Variants in NXPH1 observed in about 807,000 individuals in gnomAD.
The protein encoded by NXPH1 is neurexophilin-1.
In NXPH1, 5 loss-of-function variants were observed where a neutral mutation model predicts 23.7. That is an observed-to-expected ratio of 0.21 (90% confidence interval 0.11 to 0.44). The LOEUF is 0.44. NXPH1 is among the 20% of genes least tolerant of loss of function. The pLI, the probability that NXPH1 is intolerant of heterozygous loss-of-function variation, is 0.99. For synonymous variants in NXPH1, 144 were observed against 122.2 expected (o/e 1.18, Z -1.18); for missense variants, 324 against 321.6 (o/e 1.01, Z -0.06).
chr7:8,626,493 G>T (rs1028514262), intron 2 of NXPH1, among the ~76,000 whole-genome samples: 2 of 151,248 alleles, frequency 1.3e-5, no homozygotes, highest in Non-Finnish European at 2.9e-5. Context: ...TCACTGCCAT[G>T]AGGGACTCCT....
intron 2 of NXPH1, among the ~76,000 whole-genome samples, chr7:8,601,640 A>G (rs1819364350): frequency 6.6e-6 from 1 of 152,212 alleles, no homozygotes. Context: ...AAGTCCCATA[A>G]GAGGTACATC....
chr7:8,559,042 C>G (rs1346695190), intron 2 of NXPH1, among the ~76,000 whole-genome samples: 1 of 151,700 alleles, frequency 6.6e-6, no homozygotes, highest in Non-Finnish European at 1.5e-5. Context: ...TCATAGCTTA[C>G]TATAACCTTC....
rs775224997 is a variant in NXPH1, at chr7:8,620,336, G to T, written c.55-130672G>T. 3.3e-5 allele frequency among the ~76,000 whole-genome samples: 5 copies of T among 152,040 alleles called. 1 individual carries two copies. Among genetic ancestry groups the T allele is most frequent in the African/African-American group, 7.2e-5 (3 of 41,380 alleles). On this transcript the variant is annotated intron_variant, in intron 2 of 2. Coordinates refer to ENST00000405863, the MANE Select transcript of NXPH1 (RefSeq NM_152745.3). ...CTCCAAGGAACCTCCCCTTCCTACC[G>T]ACAGTTTGTGTGGTTCCAGGAAGCC...
chr7:8,509,560 C>G (rs2057864), intron 2 of NXPH1, among the ~76,000 whole-genome samples: 85,357 of 151,746 alleles, frequency 0.56, 24,175 homozygotes, highest in African/African-American at 0.62. Flanking sequence ...TCTGATTCTT[C>G]TGCTCCATTG....
chr7:8,656,525 T>C (rs13241389), intron 2 of NXPH1, among the ~76,000 whole-genome samples: 104,436 of 147,360 alleles, frequency 0.71, 37,903 homozygotes, highest in East Asian at 1. Flanking sequence ...TTTTTTTTTT[T>C]CAGAGGGTGG....
chr7:8,709,824 T>C (rs1779759313), intron 2 of NXPH1, among the ~76,000 whole-genome samples: 1 of 152,234 alleles, frequency 6.6e-6, no homozygotes, highest in African/African-American at 2.4e-5. Context: ...AAATTTGTAC[T>C]GTTAAAACAA....
At chr7:8,583,984 T>C (rs2128624187) in intron 2 of NXPH1, among the ~76,000 whole-genome samples, 1 of 152,324 alleles carries the variant, frequency 6.6e-6, no homozygotes, top group Admixed American at 6.5e-5. Context: ...AAATTTAACA[T>C]GGCTGAGCCT....
intron 2 of NXPH1, among the ~76,000 whole-genome samples, chr7:8,456,773 C>A (rs903038879): frequency 2.6e-5 from 4 of 152,106 alleles, no homozygotes; most frequent in African/African-American, 9.7e-5. Context: ...CTTTATGAGC[C>A]TTACAGTTTA....
rs139205584 is a variant in NXPH1, at chr7:8,678,316, T to G, written c.55-72692T>G. The stretch of plus-strand genomic sequence containing the variant: ...GGTGCTTGGTCTAATTGCCATTATA[T>G]AAATTCACATCTTTCCCTTGAGTAG... On this transcript the variant is annotated intron_variant, in intron 2 of 2. Coordinates refer to ENST00000405863, the MANE Select transcript of NXPH1 (RefSeq NM_152745.3). Among the ~76,000 whole-genome samples the G allele has an allele frequency of 7.4e-3, 1,135 of 152,350 alleles. 13 individuals carry two copies. The highest frequency in any genetic ancestry group is 0.039 in the South Asian group (189 of 4,832).
intron 2 of NXPH1, among the ~76,000 whole-genome samples, chr7:8,594,661 G>C (rs985493786): frequency 1.3e-5 from 2 of 151,926 alleles, no homozygotes; most frequent in Non-Finnish European, 2.9e-5. Flanking sequence ...AATGAGTTTT[G>C]TCTGGCCTCG....
chr7:8,687,991 C>G (rs1178341953), intron 2 of NXPH1, among the ~76,000 whole-genome samples: 1 of 152,070 alleles, frequency 6.6e-6, no homozygotes, highest in East Asian at 1.9e-4. Flanking sequence ...GTATGAGAAT[C>G]TTAGTCAAAC....
At chr7:8,453,721 C>A (rs1336107601) in intron 2 of NXPH1, among the ~76,000 whole-genome samples, 1 of 152,082 alleles carries the variant, frequency 6.6e-6, no homozygotes, top group East Asian at 1.9e-4. Context: ...CGGCTTCCAG[C>A]TCTACCCATG....
chr7:8,593,986 G>A (rs1296878227), intron 2 of NXPH1, among the ~76,000 whole-genome samples: 2 of 151,090 alleles, frequency 1.3e-5, no homozygotes, highest in East Asian at 3.9e-4. Flanking sequence ...CATGTAAGTG[G>A]GTAGTTTTTC....
chr7:8,727,409 G>A (rs1211093326), intron 2 of NXPH1, among the ~76,000 whole-genome samples: 1 of 140,234 alleles, frequency 7.1e-6, no homozygotes, highest in Non-Finnish European at 1.5e-5. Context: ...TGAAGTCCTT[G>A]CCCATGCCTA....
intron 2 of NXPH1, among the ~76,000 whole-genome samples, chr7:8,471,393 CT>C (rs1816869258): frequency 6.6e-6 from 1 of 152,166 alleles, no homozygotes; most frequent in South Asian, 2.1e-4. Flanking sequence ...TCTTATAAAA[CT>C]GACCTTTAGT....
intron 2 of NXPH1, among the ~76,000 whole-genome samples, chr7:8,736,295 T>G (rs1383057876): frequency 1.3e-5 from 2 of 152,206 alleles, no homozygotes; most frequent in Non-Finnish European, 2.9e-5. Flanking sequence ...TAAACACTGC[T>G]TTAGCTGTAT....
Position 8,435,260 on chromosome 7 carries a change from G to T in NXPH1, c.-110-344G>T. 4.4e-6 allele frequency: 1 copy of T among 226,454 alleles called. No individual in the cohort carries two copies. The highest frequency in any genetic ancestry group is 8.7e-6 in the Non-Finnish European group (1 of 114,378). The allele number at this position is 226,454 out of a possible 1,614,324, so 14.0% of individuals were successfully genotyped here. ...GCCGCCGCCTTTAGTCCGAGCCGCC[G>T]GGCCACCCAACACAAGGGCAGGTCT... On this transcript the variant is annotated intron_variant, in intron 1 of 2. Transcript: ENST00000405863. The surrounding 1 kb of genome is among the most constrained non-coding windows in gnomAD (Gnocchi z 5.9).
At chr7:8,712,607 C>T (rs1779814246) in intron 2 of NXPH1, among the ~76,000 whole-genome samples, 4 of 152,076 alleles carry the variant, frequency 2.6e-5, no homozygotes, top group Admixed American at 2.6e-4. Context: ...ATAAAAAATC[C>T]TAGAATAATA....
At chr7:8,510,573 A>G (rs1817595039) in intron 2 of NXPH1, among the ~76,000 whole-genome samples, 1 of 152,142 alleles carries the variant, frequency 6.6e-6, no homozygotes, top group Non-Finnish European at 1.5e-5. Context: ...AAGTTTGGTG[A>G]CTGAAGGAAT....
Sources: allele counts gnomAD v4.1 joint callset (sites outside exome capture counted in the v4.1 genomes callset), GRCh38; gene constraint gnomAD v4.1.1; non-coding constraint Gnocchi (gnomAD v3.1); transcripts MANE v1.5; gene names NCBI Gene and HGNC (gene_info 2026-07-23, HGNC 2026-07-21).